The following EFCAB3 variants were observed in gnomAD, a reference collection of about 807,000 sequenced individuals.
The protein encoded by EFCAB3 is EF-hand calcium-binding domain-containing protein 3.
A neutral mutation model predicts 42.2 loss-of-function variants in EFCAB3; 36 were observed. That is an observed-to-expected ratio of 0.85 (90% CI 0.65 to 1.13). EFCAB3 has a LOEUF of 1.13. EFCAB3 is among the 50% of genes most tolerant of loss of function. EFCAB3 has a pLI of 0.00. For missense variants in EFCAB3, 418 were observed against 505.1 expected, an observed-to-expected ratio of 0.83 and a Z score of 1.65; for synonymous variants, 170 against 172.8, an observed-to-expected ratio of 0.98 and a Z score of 0.13.
chr17:62,398,161 CTG>C (rs1379785445), intron 6 of EFCAB3: 1 of 229,048 alleles, frequency 4.4e-6, no homozygotes, highest in Non-Finnish European at 9.2e-6. Flanking sequence ...AGTGAAAACA[CTG>C]TAGTGACGGG....
chr17:62,391,783 T>C, intron 3 of EFCAB3, 39 bp from the exon 4 acceptor site: 5 of 1,605,372 alleles, frequency 3.1e-6, no homozygotes, highest in East Asian at 2.2e-5. Flanking sequence ...TACTTCTTCT[T>C]GAACAACTGT....
In EFCAB3 at chr17:62,396,358, G is replaced by T. The variant is rs1156279306; in HGVS notation, c.488+1170G>T. ...TCACAAGGTCAGGAATTCGAGACCAGCCTGGCCAACATGGTGAAACCCTGT... is the reference window on the plus strand; with the variant it reads ...TCACAAGGTCAGGAATTCGAGACCATCCTGGCCAACATGGTGAAACCCTGT... On this transcript the variant is annotated intron_variant, in intron 6 of 9. Transcript: ENST00000305286. 6.6e-5 allele frequency among the ~76,000 whole-genome samples: 10 copies of T among 152,192 alleles called. No homozygotes were observed. In the East Asian group the frequency reaches 1.9e-3, roughly 29 times the overall value.
At chr17:62,408,136 A>G (rs139701843) in intron 8 of EFCAB3, among the ~76,000 whole-genome samples, 318 of 152,282 alleles carry the variant, frequency 2.1e-3, no homozygotes, top group African/African-American at 6.9e-3. Context: ...TTTATTGTCA[A>G]TCTCTCCAAC....
chr17:62,393,881 G>C (rs1207327273), intron 5 of EFCAB3, among the ~76,000 whole-genome samples: 1 of 152,082 alleles, frequency 6.6e-6, no homozygotes, highest in Non-Finnish European at 1.5e-5. Context: ...CTGCCCTTTG[G>C]TCTCCAACGA....
At chr17:62,410,675 C>T (rs2070487685) in intron 8 of EFCAB3, among the ~76,000 whole-genome samples, 6 of 151,442 alleles carry the variant, frequency 4.0e-5, no homozygotes, top group Admixed American at 3.9e-4. Flanking sequence ...AAAGGAAAAC[C>T]CCATGTTTCA....
chr17:62,406,954 C>A, intron 7 of EFCAB3, 74 bp from the exon 8 acceptor site: 1 of 1,462,452 alleles, frequency 6.8e-7, no homozygotes, highest in Non-Finnish European at 9.2e-7. Context: ...GCAAAACAGG[C>A]ACCACATGCT....
chr17:62,382,124 A>C (rs2070207745), intron 1 of EFCAB3: 1 of 158,842 alleles, frequency 6.3e-6, no homozygotes, highest in Non-Finnish European at 1.4e-5. Context: ...GTCTCCCCAA[A>C]AGAAACCCTG....
exon 1 of EFCAB3, chr17:62,370,302 T>C (rs1443102010): frequency 1.9e-6 from 3 of 1,551,578 alleles, no homozygotes; most frequent in African/African-American, 1.4e-5. Context: ...AAGGAGTTGA[T>C]GCCTCATTTG....
upstream of EFCAB3, among the ~76,000 whole-genome samples, chr17:62,378,504 C>T (rs938979130): frequency 6.6e-6 from 1 of 151,966 alleles, no homozygotes; most frequent in Non-Finnish European, 1.5e-5. Flanking sequence ...ATGAGTCCAG[C>T]CTGGGAAATT....
At chr17:62,396,053 A>G (rs1209591224) in intron 6 of EFCAB3, among the ~76,000 whole-genome samples, 1 of 152,164 alleles carries the variant, frequency 6.6e-6, no homozygotes, top group Non-Finnish European at 1.5e-5. Flanking sequence ...TTGGTACACA[A>G]ATTCAACACA....
At chr17:62,393,750 G>C in intron 5 of EFCAB3, 106 bp downstream of exon 5, 1 of 929,434 alleles carries the variant, frequency 1.1e-6, no homozygotes, top group Non-Finnish European at 1.7e-6. Flanking sequence ...GGAAGGTGTA[G>C]TCTGGGATGT....
At chr17:62,375,932 C>CTTTCTT (rs541494375), upstream of EFCAB3, among the ~76,000 whole-genome samples, 74 of 151,320 alleles carry the variant, frequency 4.9e-4, no homozygotes, top group East Asian at 0.012. Context: ...TAGTGCTATT[C>CTTTCTT]TTTCTTTTTC....
upstream of EFCAB3, among the ~76,000 whole-genome samples, chr17:62,376,138 T>G (rs1236634670): frequency 6.6e-6 from 1 of 152,212 alleles, no homozygotes; most frequent in Non-Finnish European, 1.5e-5. Context: ...TACTGGTTTC[T>G]ATTTCAAAGA....
intron 6 of EFCAB3, among the ~76,000 whole-genome samples, chr17:62,396,254 T>C (rs1245197620): frequency 1.3e-5 from 2 of 152,148 alleles, no homozygotes; most frequent in Non-Finnish European, 2.9e-5. Context: ...ACACATATTA[T>C]CTTGAAAATT....
intron 8 of EFCAB3, among the ~76,000 whole-genome samples, chr17:62,411,434 G>C (rs1256429225): frequency 6.6e-6 from 1 of 152,102 alleles, no homozygotes. Context: ...AATACAACTT[G>C]AAACATTGCA....
intron 1 of EFCAB3, among the ~76,000 whole-genome samples, chr17:62,371,622 A>G (rs2070115261): frequency 6.6e-6 from 1 of 152,166 alleles, no homozygotes; most frequent in African/African-American, 2.4e-5. Context: ...AATACAACCA[A>G]TATGCTAAGT....
chr17:62,395,219 C>A, intron 6 of EFCAB3, 31 bp downstream of exon 6: 3 of 1,609,038 alleles, frequency 1.9e-6, no homozygotes, highest in Non-Finnish European at 2.5e-6. Context: ...CAAAAACAGC[C>A]TTCTCAGAAG....
intron 8 of EFCAB3, among the ~76,000 whole-genome samples, chr17:62,409,559 T>C (rs1434083001): frequency 6.6e-6 from 1 of 151,944 alleles, no homozygotes; most frequent in Non-Finnish European, 1.5e-5. Flanking sequence ...ATAAATTTTT[T>C]AATTAAAAAT....
chr17:62,383,396 C>T (rs2070221070), intron 2 of EFCAB3, among the ~76,000 whole-genome samples: 1 of 152,112 alleles, frequency 6.6e-6, no homozygotes, highest in Non-Finnish European at 1.5e-5. Flanking sequence ...ATTGCTTGAA[C>T]TTGGGGGACA....
Sources: allele counts gnomAD v4.1 joint callset (sites outside exome capture counted in the v4.1 genomes callset), GRCh38; gene constraint gnomAD v4.1.1; transcripts MANE v1.5; gene names NCBI Gene and HGNC (gene_info 2026-07-23, HGNC 2026-07-21).